Variants in MS4A1 observed in about 807,000 individuals in gnomAD.
MS4A1 encodes the protein membrane spanning 4-domains A1, also known as B-lymphocyte antigen CD20.
In MS4A1, 16 loss-of-function variants were observed where a neutral mutation model predicts 26.5. That is an observed-to-expected ratio of 0.60 (90% confidence interval 0.41 to 0.92). MS4A1 has a LOEUF of 0.92. MS4A1 is among the 40% of genes least tolerant of loss of function. MS4A1 has a pLI of 0.00. For synonymous variants in MS4A1, 128 were observed against 117.6 expected (o/e 1.09, Z -0.57); for missense variants, 350 against 353.0 (o/e 0.99, Z 0.07).
At chr11:60,464,455 A>G (rs1387954537) in intron 5 of MS4A1, 111 bp downstream of exon 5, 2 of 874,680 alleles carry the variant, frequency 2.3e-6, no homozygotes, top group Non-Finnish European at 3.8e-6. Flanking sequence ...CAGCCCTAAA[A>G]AGCAAAGACC....
chr11:60,466,098 C>T lies in MS4A1; in HGVS notation c.514C>T (p.Pro172Ser). The change falls in exon 6 of 8, where the codon CCC becomes TCC. Residue 172 changes from proline to serine, a missense_variant. By Grantham distance (74) the Pro-to-Ser change is moderately conservative. Transcript: ENST00000345732. ...CATATACAACTGTGAACCAGCTAAT[C>T]CCTCTGAGAAAAACTCCCCATCTAC... ...INIYNCEPAN[P>S]SEKNSPSTQY... 1.2e-6 allele frequency: 2 copies of T among 1,613,886 alleles called. No individual in the cohort carries two copies. The highest frequency in any genetic ancestry group is 4.5e-5 in the East Asian group (2 of 44,862).
chr11:60,466,223 T>G (rs1291379742), intron 6 of MS4A1, 66 bp downstream of exon 6: 48 of 1,298,390 alleles, frequency 3.7e-5, no homozygotes, highest in Non-Finnish European at 5.4e-5. Context: ...TTGTTTATTA[T>G]GAGCATGAAC....
At chr11:60,467,768 T>A (rs2086306539) in intron 7 of MS4A1, among the ~76,000 whole-genome samples, 1 of 152,098 alleles carries the variant, frequency 6.6e-6, no homozygotes, top group South Asian at 2.1e-4. Flanking sequence ...AACAACAGGT[T>A]AAAGGGCTCC....
intron 1 of MS4A1, among the ~76,000 whole-genome samples, chr11:60,460,269 A>T (rs960482048): frequency 3.9e-5 from 6 of 152,026 alleles, no homozygotes; most frequent in African/African-American, 1.2e-4. Flanking sequence ...CAAACAAAAA[A>T]TATTTACTAA....
In MS4A1 at chr11:60,468,594, T is replaced by G. The variant is rs148993277; in HGVS notation, c.*126T>G. Reference sequence around the variant, plus strand: ...ACCACATCTCTATCTGGCCTTTGCATGGAGTGACCATAGCTCCTTCTCTCT... The same window carrying G: ...ACCACATCTCTATCTGGCCTTTGCAGGGAGTGACCATAGCTCCTTCTCTCT... On this transcript the variant is annotated 3_prime_UTR_variant, in exon 8 of 8. Transcript: ENST00000345732. 3.3e-5 allele frequency: 28 copies of G among 839,916 alleles called. No individual in the cohort carries two copies. In the East Asian group the frequency reaches 3.7e-4, roughly 11 times the overall value. The allele number at this position is 839,916 out of a possible 1,614,324, so 52.0% of individuals were successfully genotyped here.
At chr11:60,459,215 C>A (rs527692686) in intron 1 of MS4A1, among the ~76,000 whole-genome samples, 4 of 152,320 alleles carry the variant, frequency 2.6e-5, no homozygotes, top group African/African-American at 9.6e-5. Context: ...CCCTCTGGGG[C>A]GGAGTGTAGT....
At chr11:60,462,823 C>T (rs1459833412) in intron 3 of MS4A1, among the ~76,000 whole-genome samples, 179 bp from the exon 4 acceptor site, 2 of 152,182 alleles carry the variant, frequency 1.3e-5, no homozygotes, top group African/African-American at 2.4e-5. Context: ...CCTGGAAATG[C>T]CCCATGTGGT....
Position 60,468,689 on chromosome 11 carries a change from T to C in MS4A1, c.*221T>C. 3.5e-6 allele frequency: 2 copies of C among 571,566 alleles called. No homozygotes were observed. The highest frequency in any genetic ancestry group is 2.1e-5 in the South Asian group (1 of 47,660). 35.4% of individuals were successfully genotyped at this position (571,566 alleles called of 1,614,324 possible). On this transcript the variant is annotated 3_prime_UTR_variant, in exon 8 of 8. Transcript: ENST00000345732. ...TCACGCTTCTTCTTTTGAGCAACTT[T>C]CTTACACTGAAGAAAGGCAGAATGA...
At chr11:60,464,893 C>G (rs988162483) in intron 5 of MS4A1, among the ~76,000 whole-genome samples, 3 of 152,190 alleles carry the variant, frequency 2.0e-5, no homozygotes, top group African/African-American at 7.2e-5. Context: ...CCTAGGGACT[C>G]ATCTAGATCC....
At chr11:60,461,332 A>C (rs756907197) in intron 2 of MS4A1, among the ~76,000 whole-genome samples, 172 bp downstream of exon 2, 1 of 151,652 alleles carries the variant, frequency 6.6e-6, no homozygotes, top group Non-Finnish European at 1.5e-5. Flanking sequence ...CCATGAGCCC[A>C]GTTAAGTGTT....
chr11:60,470,242 A>T lies in MS4A1; in HGVS notation c.*1774A>T, dbSNP rs1412535157. On this transcript the variant is annotated 3_prime_UTR_variant, in exon 8 of 8. Coordinates refer to ENST00000345732, the MANE Select transcript of MS4A1 (RefSeq NM_152866.3). ...ACACAGGTTCTCAAAAAAAATGTTC[A>T]TGGGATAGGTCATTGATAATGGATT... 2.0e-5 allele frequency: 3 copies of T among 152,042 alleles called. No individual in the cohort carries two copies. Among genetic ancestry groups the T allele is most frequent in the South Asian group, 2.1e-4 (1 of 4,830 alleles). 9.4% of individuals were successfully genotyped at this position (152,042 alleles called of 1,614,324 possible). A position where few individuals can be genotyped will look rare whatever the true frequency, so the allele number is the denominator to read the frequency against.
At chr11:60,457,078 G>A (rs1054434378) in intron 1 of MS4A1, among the ~76,000 whole-genome samples, 1 of 152,200 alleles carries the variant, frequency 6.6e-6, no homozygotes, top group African/African-American at 2.4e-5. Context: ...TTGATGTCTA[G>A]TAAGGAAAGC....
Position 60,468,623 on chromosome 11 carries a change from A to T in MS4A1, c.*155A>T, listed in dbSNP as rs199625336. On this transcript the variant is annotated 3_prime_UTR_variant, in exon 8 of 8. Coordinates refer to ENST00000345732, the MANE Select transcript of MS4A1 (RefSeq NM_152866.3). ...GTGACCATAGCTCCTTCTCTCTTACATTGAATGTAGAGAATGTAGCCATTG... is the reference window on the plus strand; with the variant it reads ...GTGACCATAGCTCCTTCTCTCTTACTTTGAATGTAGAGAATGTAGCCATTG... 1.4e-6 allele frequency: 1 copy of T among 713,768 alleles called. No individual in the cohort carries two copies. The highest frequency in any genetic ancestry group is 2.7e-5 in the East Asian group (1 of 37,016). 44.2% of individuals were successfully genotyped at this position (713,768 alleles called of 1,614,324 possible). A position where few individuals can be genotyped will look rare whatever the true frequency, so the allele number is the denominator to read the frequency against.
rs978157396 is a variant in MS4A1 at position 60,469,662 on chromosome 11, A to G, written c.*1194A>G. ...GCATCATAAATATATAATAACTGGTAGTTTATATGAAGCAGACACTAAGTG... is the reference window on the plus strand; with the variant it reads ...GCATCATAAATATATAATAACTGGTGGTTTATATGAAGCAGACACTAAGTG... On this transcript the variant is annotated 3_prime_UTR_variant, in exon 8 of 8. Transcript: ENST00000345732. The G allele has an allele frequency of 2.0e-5, 3 of 152,176 alleles. No homozygotes were observed. Among genetic ancestry groups the G allele is most frequent in the African/African-American group, 7.2e-5 (3 of 41,458 alleles). 9.4% of individuals were successfully genotyped at this position (152,176 alleles called of 1,614,324 possible). A position where few individuals can be genotyped will look rare whatever the true frequency, so the allele number is the denominator to read the frequency against.
intron 4 of MS4A1, 197 bp from the exon 5 acceptor site, chr11:60,464,091 G>A: frequency 1.7e-6 from 1 of 602,278 alleles, no homozygotes; most frequent in East Asian, 2.8e-5. Flanking sequence ...TAGTGTCACT[G>A]AGCCTGAATA....
At chr11:60,465,791 TGA>T (rs2135201360) in intron 5 of MS4A1, 128 bp from the exon 6 acceptor site, 1 of 722,870 alleles carries the variant, frequency 1.4e-6, no homozygotes, top group South Asian at 1.7e-5. Context: ...TAAAAACAAC[TGA>T]GAGAACTTCA....
At chr11:60,463,709 A>G in intron 4 of MS4A1, 1 of 423,964 alleles carries the variant, frequency 2.4e-6, no homozygotes. Flanking sequence ...CAGGATTAAA[A>G]TTTTCCAAAC....
In MS4A1 at chr11:60,470,441, C is replaced by T. The variant is rs147234865; in HGVS notation, c.*1973C>T. ...ATATATGAGGATTCCTCTCCAAACC[C>T]ATGGTTTCTCTAAGAATTTTGAGTC... On this transcript the variant is annotated 3_prime_UTR_variant, in exon 8 of 8. Coordinates refer to ENST00000345732, the MANE Select transcript of MS4A1 (RefSeq NM_152866.3). 2.6e-5 allele frequency: 4 copies of T among 152,040 alleles called. No individual in the cohort carries two copies. The highest frequency in any genetic ancestry group is 9.6e-5 in the African/African-American group (4 of 41,526). 9.4% of individuals were successfully genotyped at this position (152,040 alleles called of 1,614,324 possible).
At chr11:60,468,229 T>G (rs2086311004) in intron 7 of MS4A1, 21 bp from the exon 8 acceptor site, 2 of 1,565,512 alleles carry the variant, frequency 1.3e-6, no homozygotes, top group African/African-American at 1.4e-5. Context: ...AAAGAATGGT[T>G]TGTTTAATTT....
Sources: allele counts gnomAD v4.1 joint callset (sites outside exome capture counted in the v4.1 genomes callset), GRCh38; gene constraint gnomAD v4.1.1; transcripts MANE v1.5; gene names NCBI Gene and HGNC (gene_info 2026-07-23, HGNC 2026-07-21).